The following GIMD1 variants were observed in gnomAD, a reference collection of about 807,000 sequenced individuals.
GIMD1 encodes GTPase IMAP family member GIMD1.
GIMD1 carries 14 observed loss-of-function variants against 14.9 expected under a neutral mutation model. That is an observed-to-expected ratio of 0.94 (90% CI 0.62 to 1.47). The LOEUF is 1.47. Ranked by LOEUF, GIMD1 falls within the 40% of genes most tolerant of loss-of-function variation. The pLI, the probability that GIMD1 is intolerant of heterozygous loss-of-function variation, is 0.00. For synonymous variants in GIMD1, 91 were observed against 90.5 expected (o/e 1.01, Z -0.03); for missense variants, 272 against 255.3 (o/e 1.07, Z -0.44).
At chr4:106,364,446 A>T (rs1770665167) in intron 2 of GIMD1, among the ~76,000 whole-genome samples, 1 of 152,190 alleles carries the variant, frequency 6.6e-6, no homozygotes, top group Non-Finnish European at 1.5e-5. Context: ...CTCCTTCCTA[A>T]CAGCTGCTGG....
intron 1 of GIMD1, 135 bp from the exon 2 acceptor site, chr4:106,367,572 T>C (rs1002246108): frequency 3.7e-5 from 29 of 792,736 alleles, no homozygotes; most frequent in Non-Finnish European, 1.4e-5. Context: ...GACTAAAGCA[T>C]GGAGGAGGAC....
chr4:106,367,077 C>A lies in GIMD1; in HGVS notation c.359G>T (p.Gly120Val). Residue 120 changes from glycine (G) to valine (V), a missense_variant, in exon 2 of 3, where the codon GGG (glycine) becomes GTG (valine). By Grantham distance (109) the Gly-to-Val change is moderately radical. Coordinates refer to ENST00000638719, the MANE Select transcript of GIMD1 (RefSeq NM_001195138.2). ...CTGGACTGGGTCAGTTACTTCCTGC[C>A]CACAGAAAGGCACATCTGCTCTCTG... ...LVQRADVPFC[G>V]QEVTDPVQMI... 6.5e-7 allele frequency: 1 copy of A among 1,533,054 alleles called. No individual in the cohort carries two copies. The highest frequency in any genetic ancestry group is 8.7e-7 in the Non-Finnish European group (1 of 1,145,336). The allele number at this position is 1,533,054 out of a possible 1,614,324, so 95.0% of individuals were successfully genotyped here.
At chr4:106,368,683 C>A (rs1333840097) in intron 1 of GIMD1, 27 bp downstream of exon 1, 1 of 398,134 alleles carries the variant, frequency 2.5e-6, no homozygotes, top group Non-Finnish European at 4.4e-6. Context: ...TTATTCAATC[C>A]CAATCCATTT....
At chr4:106,362,274 A>C (rs547270083) in intron 2 of GIMD1, among the ~76,000 whole-genome samples, 1 of 152,264 alleles carries the variant, frequency 6.6e-6, no homozygotes, top group African/African-American at 2.4e-5. Flanking sequence ...GCCAGAAAAT[A>C]GTTGAATATT....
At chr4:106,360,188 G>C (rs1467921832) in intron 2 of GIMD1, among the ~76,000 whole-genome samples, 1 of 151,542 alleles carries the variant, frequency 6.6e-6, no homozygotes, top group Non-Finnish European at 1.5e-5. Context: ...CTGTAGTCTG[G>C]ACTATTTTCT....
chr4:106,367,452 A>G lies in GIMD1; in HGVS notation c.-2-15T>C. The G allele has an allele frequency of 6.6e-7, 1 of 1,515,148 alleles. No individual in the cohort carries two copies. Among genetic ancestry groups the G allele is most frequent in the South Asian group, 1.2e-5 (1 of 80,932 alleles). 93.9% of individuals were successfully genotyped at this position (1,515,148 alleles called of 1,614,324 possible). On this transcript the variant is annotated splice_polypyrimidine_tract_variant and intron_variant, in intron 1 of 2. Coordinates refer to ENST00000638719, the MANE Select transcript of GIMD1 (RefSeq NM_001195138.2). ...GTCTGTCATGGCTGTAGGAAAACAA[A>G]GGCATAGCACGCATAATTAGGCTTC...
At chr4:106,360,437 G>C (rs1030719287) in intron 2 of GIMD1, among the ~76,000 whole-genome samples, 1 of 151,898 alleles carries the variant, frequency 6.6e-6, no homozygotes, top group Non-Finnish European at 1.5e-5. Flanking sequence ...TTTGCCTAAT[G>C]GTAACATAGC....
chr4:106,365,637 G>A (rs1381526906), intron 2 of GIMD1, among the ~76,000 whole-genome samples: 5 of 151,992 alleles, frequency 3.3e-5, no homozygotes, highest in Non-Finnish European at 7.4e-5. Flanking sequence ...TTTAACTGTG[G>A]AGCTTCTAAT....
rs537710682 is a variant in GIMD1 at position 106,368,661 on chromosome 4, T to G, written c.-3+49A>C. 174 of 398,082 alleles carry G rather than the reference T, an allele frequency of 4.4e-4. 2 individuals carry two copies. Among genetic ancestry groups the G allele is most frequent in the South Asian group, 3.9e-3 (31 of 7,850 alleles). The allele number at this position is 398,082 out of a possible 1,614,324, so 24.7% of individuals were successfully genotyped here. A position where few individuals can be genotyped will look rare whatever the true frequency, so the allele number is the denominator to read the frequency against. Reference sequence around the variant, plus strand: ...ACTCCTAAATCAGGGTGTAATGTTTTTAGAAAATTAATTATTCAATCCCAA... The same window carrying G: ...ACTCCTAAATCAGGGTGTAATGTTTGTAGAAAATTAATTATTCAATCCCAA... On this transcript the variant is annotated intron_variant, in intron 1 of 2. Transcript: ENST00000638719.
chr4:106,363,246 T>C (rs1213747347), intron 2 of GIMD1, among the ~76,000 whole-genome samples: 1 of 152,262 alleles, frequency 6.6e-6, no homozygotes, highest in East Asian at 1.9e-4. Flanking sequence ...TGCCTGTGCC[T>C]AAGCTATATC....
At chr4:106,365,251 C>G (rs1241488884) in intron 2 of GIMD1, among the ~76,000 whole-genome samples, 1 of 152,110 alleles carries the variant, frequency 6.6e-6, no homozygotes, top group Non-Finnish European at 1.5e-5. Context: ...CATACTGTTT[C>G]TTAATTGCAA....
chr4:106,363,422 C>T (rs1770644119), intron 2 of GIMD1, among the ~76,000 whole-genome samples: 1 of 152,104 alleles, frequency 6.6e-6, no homozygotes, highest in Non-Finnish European at 1.5e-5. Context: ...AATCTCTATG[C>T]TATCTTGCCC....
intron 2 of GIMD1, among the ~76,000 whole-genome samples, chr4:106,359,720 A>T (rs1480312593): frequency 6.6e-6 from 1 of 151,734 alleles, no homozygotes; most frequent in African/African-American, 2.4e-5. Flanking sequence ...AGAAGAAGGA[A>T]ATAAGAAAGA....
In GIMD1 at chr4:106,358,531, C is replaced by G. The variant is rs1162495713; in HGVS notation, c.394-88G>C. The G allele has an allele frequency of 4.4e-6, 4 of 905,282 alleles. No homozygotes were observed. In the Admixed American group the frequency reaches 1.4e-4, roughly 31 times the overall value. 56.1% of individuals were successfully genotyped at this position (905,282 alleles called of 1,614,324 possible). Reference sequence around the variant, plus strand: ...ATTTATTACGGTCCAATATAGATAGCCAGCAGATCCATATTATTATGTTTC... The same window carrying G: ...ATTTATTACGGTCCAATATAGATAGGCAGCAGATCCATATTATTATGTTTC... On this transcript the variant is annotated intron_variant, in intron 2 of 2. Transcript: ENST00000638719.
intron 1 of GIMD1, among the ~76,000 whole-genome samples, chr4:106,368,262 T>C (rs1770736384): frequency 6.6e-6 from 1 of 152,186 alleles, no homozygotes. Flanking sequence ...CAGTGGCCGA[T>C]CCTTTGTACA....
intron 2 of GIMD1, 44 bp downstream of exon 2, chr4:106,366,999 C>A: frequency 1.9e-6 from 2 of 1,029,600 alleles, no homozygotes; most frequent in Non-Finnish European, 1.3e-6. Flanking sequence ...TAATGTCCTC[C>A]AAGAAGTAAT....
At chr4:106,364,685 C>T (rs946742483) in intron 2 of GIMD1, among the ~76,000 whole-genome samples, 3 of 152,220 alleles carry the variant, frequency 2.0e-5, no homozygotes, top group Admixed American at 6.5e-5. Context: ...TCTTGGGAGA[C>T]GGAAGTTATT....
chr4:106,360,565 T>C (rs1000029211), intron 2 of GIMD1, among the ~76,000 whole-genome samples: 1 of 151,944 alleles, frequency 6.6e-6, no homozygotes, highest in Non-Finnish European at 1.5e-5. Flanking sequence ...TGGGTTGAAT[T>C]GCATCCTCCG....
intron 2 of GIMD1, among the ~76,000 whole-genome samples, chr4:106,359,866 C>A (rs1770589865): frequency 6.6e-6 from 1 of 151,854 alleles, no homozygotes; most frequent in Non-Finnish European, 1.5e-5. Context: ...TTAGAAACAT[C>A]ACAATCATGG....
Sources: gnomAD v4.1 joint callset for allele counts (sites outside exome capture counted in the v4.1 genomes callset) on GRCh38, gnomAD v4.1.1 for gene constraint, MANE v1.5 for transcripts, NCBI Gene and HGNC (gene_info 2026-07-23, HGNC 2026-07-21) for gene names.